The following SPON1 variants were observed in gnomAD, a reference collection of about 807,000 sequenced individuals.
SPON1 encodes spondin-1.
SPON1 carries 52 observed loss-of-function variants against 111.7 expected under a neutral mutation model. The ratio of observed to expected loss-of-function variants is 0.47; its 90% CI spans 0.37 to 0.59. The LOEUF (loss-of-function observed/expected upper bound fraction) is 0.59, where lower values mean the gene tolerates loss of function less well. Among genes scored for constraint, SPON1 ranks in the 20% least tolerant of loss-of-function variants. The probability of loss-of-function intolerance (pLI) is 0.00; values close to 1 mark genes in which losing one functional copy is unlikely to be tolerated. For synonymous variants in SPON1, 410 were observed against 395.8 expected, an observed-to-expected ratio of 1.04 and a Z score of -0.43; for missense variants, 957 against 1,068.5, an observed-to-expected ratio of 0.90 and a Z score of 1.46.
Position 14,254,773 on chromosome 11 carries a change from C to T in SPON1, c.1092+44C>T, listed in dbSNP as rs143447034. The T allele has an allele frequency of 5.3e-4, 837 of 1,583,464 alleles. 4 individuals carry two copies. Among genetic ancestry groups the T allele is most frequent in the South Asian group, 6.8e-4 (61 of 89,136 alleles). ...AGTGGTGAGTGGCTCCTTGCCTACC[C>T]GCTTCCTGAGTGTCCTGGACACAGA... On this transcript the variant is annotated intron_variant, in intron 8 of 15. Coordinates refer to ENST00000576479, the MANE Select transcript of SPON1 (RefSeq NM_006108.4).
At chr11:14,198,046 G>A (rs1848421967) in intron 6 of SPON1, among the ~76,000 whole-genome samples, 1 of 152,138 alleles carries the variant, frequency 6.6e-6, no homozygotes, top group Non-Finnish European at 1.5e-5. Flanking sequence ...AAAATACAGT[G>A]CATTTAAGTA....
At chr11:14,021,987 T>A (rs1250301149) in intron 2 of SPON1, among the ~76,000 whole-genome samples, 5 of 152,226 alleles carry the variant, frequency 3.3e-5, no homozygotes, top group Admixed American at 6.5e-5. Flanking sequence ...TTGATTGTTG[T>A]TTTTATTGTT....
chr11:14,037,102 C>CTT (rs138249328), intron 2 of SPON1, among the ~76,000 whole-genome samples: 1 of 150,900 alleles, frequency 6.6e-6, no homozygotes, highest in African/African-American at 2.4e-5. Flanking sequence ...AAGGTCTCAG[C>CTT]TTTTTTTTTA....
intron 3 of SPON1, among the ~76,000 whole-genome samples, chr11:14,048,243 A>G (rs1848683824): frequency 6.6e-6 from 1 of 151,838 alleles, no homozygotes; most frequent in African/African-American, 2.4e-5. Flanking sequence ...TCATCTCAAA[A>G]CAAACAAACA....
intron 6 of SPON1, among the ~76,000 whole-genome samples, chr11:14,139,725 T>TATATATATATATATATA (rs1564913657): frequency 6.6e-6 from 1 of 150,732 alleles, no homozygotes; most frequent in African/African-American, 2.4e-5. Flanking sequence ...TATATATATA[T>TATATATATATATATATA]TTAAGTGAAA....
chr11:14,243,232 C>T, intron 6 of SPON1, 100 bp from the exon 7 acceptor site: 1 of 1,128,344 alleles, frequency 8.9e-7, no homozygotes, highest in Non-Finnish European at 1.3e-6. Context: ...GCCCCAACAG[C>T]AGGTGAGGGA....
intron 2 of SPON1, among the ~76,000 whole-genome samples, chr11:14,028,671 ACT>A (rs2133807310): frequency 6.6e-6 from 1 of 151,964 alleles, no homozygotes; most frequent in African/African-American, 2.4e-5. Flanking sequence ...CACTTCAATG[ACT>A]CAAAGTCATG....
At chr11:14,158,407 A>C (rs1847873644) in intron 6 of SPON1, among the ~76,000 whole-genome samples, 1 of 152,004 alleles carries the variant, frequency 6.6e-6, no homozygotes, top group African/African-American at 2.4e-5. Context: ...CTTCACCATG[A>C]CTCTTACAAA....
intron 10 of SPON1, 107 bp downstream of exon 10, chr11:14,256,799 G>A: frequency 9.8e-6 from 8 of 816,988 alleles, no homozygotes; most frequent in East Asian, 2.5e-5. Context: ...GCTTTGACTT[G>A]GTAATCATAT....
chr11:14,030,887 A>G (rs782547594), intron 2 of SPON1, among the ~76,000 whole-genome samples: 2 of 152,190 alleles, frequency 1.3e-5, no homozygotes, highest in Non-Finnish European at 2.9e-5. Context: ...ATTGTTCTAC[A>G]AAAAAGACAT....
At chr11:14,160,102 A>G (rs1376826471) in intron 6 of SPON1, among the ~76,000 whole-genome samples, 1 of 151,932 alleles carries the variant, frequency 6.6e-6, no homozygotes, top group East Asian at 1.9e-4. Flanking sequence ...TCCAATCCCC[A>G]TAATGTGCTT....
At chr11:13,966,696 A>T (rs1848020186) in intron 1 of SPON1, among the ~76,000 whole-genome samples, 1 of 152,168 alleles carries the variant, frequency 6.6e-6, no homozygotes, top group African/African-American at 2.4e-5. Flanking sequence ...ACACACACTG[A>T]CCACAGGGGT....
At chr11:14,060,818 C>T (rs1554919774) in intron 3 of SPON1, among the ~76,000 whole-genome samples, 1 of 152,136 alleles carries the variant, frequency 6.6e-6, no homozygotes, top group East Asian at 1.9e-4. Context: ...GGCATGTGGG[C>T]CAACACTGAT....
chr11:14,156,829 G>A (rs899838144), intron 6 of SPON1, among the ~76,000 whole-genome samples: 8 of 152,016 alleles, frequency 5.3e-5, no homozygotes, highest in Admixed American at 4.6e-4. Flanking sequence ...ATTTCTGAGG[G>A]CTCTGTTCTG....
intron 6 of SPON1, among the ~76,000 whole-genome samples, chr11:14,195,070 C>T (rs1848386136): frequency 6.6e-6 from 1 of 152,090 alleles, no homozygotes; most frequent in Non-Finnish European, 1.5e-5. Flanking sequence ...ACATAATGTT[C>T]GATTTAGCAC....
chr11:14,024,523 C>T (rs1848503865), intron 2 of SPON1, among the ~76,000 whole-genome samples: 1 of 152,080 alleles, frequency 6.6e-6, no homozygotes, highest in South Asian at 2.1e-4. Flanking sequence ...GGCTGAACTC[C>T]CCTCAGAGTC....
chr11:14,173,561 G>C (rs1848135041), intron 6 of SPON1, among the ~76,000 whole-genome samples: 1 of 152,188 alleles, frequency 6.6e-6, no homozygotes, highest in Admixed American at 6.5e-5. Context: ...TGGAGGAGAA[G>C]GGGTGCTCTG....
At chr11:14,089,833 T>A (rs548149154) in intron 5 of SPON1, among the ~76,000 whole-genome samples, 2 of 152,306 alleles carry the variant, frequency 1.3e-5, no homozygotes, top group South Asian at 4.1e-4. Context: ...CGCCTTTCTT[T>A]CAGAGACGCC....
At chr11:13,986,294 A>G (rs782592450) in intron 2 of SPON1, among the ~76,000 whole-genome samples, 1 of 152,214 alleles carries the variant, frequency 6.6e-6, no homozygotes, top group Admixed American at 6.5e-5. Context: ...CAAATAGATA[A>G]AGACTTCTGT....
Sources: allele counts gnomAD v4.1 joint callset (sites outside exome capture counted in the v4.1 genomes callset), GRCh38; gene constraint gnomAD v4.1.1; transcripts MANE v1.5; gene names NCBI Gene and HGNC (gene_info 2026-07-23, HGNC 2026-07-21).